HS6ST3: variants seen among roughly 807,000 people sequenced by gnomAD.
The protein encoded by HS6ST3 is heparan sulfate 6-O-sulfotransferase 3, also known as heparan-sulfate 6-O-sulfotransferase 3.
HS6ST3 carries 12 observed loss-of-function variants against 36.7 expected under a neutral mutation model. The ratio of observed to expected loss-of-function variants is 0.33; its 90% CI spans 0.21 to 0.53. HS6ST3 has a LOEUF of 0.53. Among genes scored for constraint, HS6ST3 ranks in the 20% least tolerant of loss-of-function variants. The probability of loss-of-function intolerance (pLI) is 0.95; values close to 1 mark genes in which losing one functional copy is unlikely to be tolerated. For synonymous variants in HS6ST3, 240 were observed against 257.5 expected (o/e 0.93, Z 0.65); for missense variants, 584 against 640.9 (o/e 0.91, Z 0.96).
chr13:96,269,033 C>G (rs1927793), intron 1 of HS6ST3, among the ~76,000 whole-genome samples: 74,419 of 151,746 alleles, frequency 0.49, 18,601 homozygotes, highest in Middle Eastern at 0.6. Flanking sequence ...GATTGTGTAA[C>G]TGTTATTATA....
intron 1 of HS6ST3, among the ~76,000 whole-genome samples, chr13:96,152,059 C>T (rs1219108124): frequency 1.3e-5 from 2 of 152,170 alleles, no homozygotes; most frequent in African/African-American, 4.8e-5. Context: ...CAGTTCACCT[C>T]ATAGCAATCC....
chr13:96,208,504 C>T (rs529258187), intron 1 of HS6ST3, among the ~76,000 whole-genome samples: 6 of 152,146 alleles, frequency 3.9e-5, no homozygotes, highest in East Asian at 1.9e-4. Context: ...GCCTAATTTC[C>T]GAGGGTTCAA....
intron 1 of HS6ST3, among the ~76,000 whole-genome samples, chr13:96,773,889 C>T (rs1371896269): frequency 6.6e-6 from 1 of 152,160 alleles, no homozygotes; most frequent in Non-Finnish European, 1.5e-5. Flanking sequence ...CTGGGAGACA[C>T]CTCCCAGCAG....
intron 1 of HS6ST3, among the ~76,000 whole-genome samples, chr13:96,601,871 C>T (rs983815577): frequency 6.6e-6 from 1 of 152,060 alleles, no homozygotes; most frequent in East Asian, 1.9e-4. Context: ...ATGGCAAAGA[C>T]TCTGTATAAG....
chr13:96,577,832 C>G (rs1337889473), intron 1 of HS6ST3, among the ~76,000 whole-genome samples: 1 of 152,198 alleles, frequency 6.6e-6, no homozygotes, highest in Non-Finnish European at 1.5e-5. Flanking sequence ...ATTAAAAAGT[C>G]AGGAAACAAC....
intron 1 of HS6ST3, among the ~76,000 whole-genome samples, chr13:96,195,030 T>A (rs1040499397): frequency 3.3e-5 from 5 of 152,232 alleles, no homozygotes; most frequent in Admixed American, 1.3e-4. Flanking sequence ...TATTTTAAAA[T>A]GCAACTTCAT....
At chr13:96,176,411 A>G (rs891247785) in intron 1 of HS6ST3, among the ~76,000 whole-genome samples, 1 of 152,180 alleles carries the variant, frequency 6.6e-6, no homozygotes, top group Non-Finnish European at 1.5e-5. Context: ...TATAATTCTG[A>G]TGGAACCCTA....
chr13:96,803,098 T>C (rs1466398195), intron 1 of HS6ST3, among the ~76,000 whole-genome samples: 1 of 152,148 alleles, frequency 6.6e-6, no homozygotes, highest in African/African-American at 2.4e-5. Flanking sequence ...TTTTCCCAAC[T>C]GCTCTGGTTG....
chr13:96,782,449 C>CT (rs1243095120), intron 1 of HS6ST3, among the ~76,000 whole-genome samples: 1 of 152,056 alleles, frequency 6.6e-6, no homozygotes, highest in East Asian at 1.9e-4. Context: ...CTTGCCAGCT[C>CT]TGAGATTGTG....
intron 1 of HS6ST3, among the ~76,000 whole-genome samples, chr13:96,784,681 T>C (rs182761223): frequency 3.3e-4 from 50 of 152,262 alleles, no homozygotes; most frequent in African/African-American, 1.1e-3. Context: ...GTGCCTCAAA[T>C]TGAACATGCA....
intron 1 of HS6ST3, among the ~76,000 whole-genome samples, chr13:96,415,951 T>G (rs1594775333): frequency 6.6e-6 from 1 of 152,304 alleles, no homozygotes; most frequent in East Asian, 1.9e-4. Flanking sequence ...TGAGAATAAT[T>G]TTCTTGCAAT....
chr13:96,437,236 C>A (rs1454491082), intron 1 of HS6ST3, among the ~76,000 whole-genome samples: 1 of 152,210 alleles, frequency 6.6e-6, no homozygotes, highest in African/African-American at 2.4e-5. Context: ...TCCAGCATGA[C>A]CTTGTTAATT....
intron 1 of HS6ST3, among the ~76,000 whole-genome samples, chr13:96,273,371 A>G (rs1431250922): frequency 6.6e-6 from 1 of 151,992 alleles, no homozygotes; most frequent in East Asian, 1.9e-4. Flanking sequence ...AGTTTCAGAT[A>G]CTGACTGCTT....
chr13:96,414,011 C>T (rs567225269), intron 1 of HS6ST3, among the ~76,000 whole-genome samples: 2 of 152,238 alleles, frequency 1.3e-5, no homozygotes, highest in South Asian at 4.1e-4. Context: ...TGGACAATAG[C>T]CAAATTCCTT....
intron 1 of HS6ST3, among the ~76,000 whole-genome samples, chr13:96,108,357 A>G (rs554761305): frequency 6.6e-6 from 1 of 152,228 alleles, no homozygotes; most frequent in Non-Finnish European, 1.5e-5. Context: ...TAAGATGTTT[A>G]TCAGTGACGA....
intron 1 of HS6ST3, among the ~76,000 whole-genome samples, chr13:96,576,083 G>A (rs951676476): frequency 6.6e-6 from 1 of 152,194 alleles, no homozygotes; most frequent in Non-Finnish European, 1.5e-5. Context: ...TGCCAGGAAT[G>A]GGGGAGAGGG....
intron 1 of HS6ST3, among the ~76,000 whole-genome samples, chr13:96,290,446 G>A (rs751442872): frequency 4.1e-4 from 63 of 152,154 alleles, no homozygotes; most frequent in Non-Finnish European, 5.1e-4. Context: ...CCCTGACAAG[G>A]TGAGTGACCA....
intron 1 of HS6ST3, among the ~76,000 whole-genome samples, chr13:96,397,118 C>T (rs903186212): frequency 9.2e-5 from 14 of 152,254 alleles, no homozygotes; most frequent in Admixed American, 3.9e-4. Context: ...GCAGGAGAAT[C>T]GCTTGAACCC....
At chr13:96,103,880 A>G (rs530272292) in intron 1 of HS6ST3, among the ~76,000 whole-genome samples, 11 of 152,156 alleles carry the variant, frequency 7.2e-5, no homozygotes, top group African/African-American at 2.6e-4. Flanking sequence ...ATCTAAGTGC[A>G]TAAGTCTTTC....
Sources: allele counts gnomAD v4.1 joint callset (sites outside exome capture counted in the v4.1 genomes callset), GRCh38; gene constraint gnomAD v4.1.1; transcripts MANE v1.5; gene names NCBI Gene and HGNC (gene_info 2026-07-23, HGNC 2026-07-21).